Variants in STARD6 observed in about 807,000 individuals in gnomAD.
STARD6 encodes the protein StAR related lipid transfer domain containing 6, also known as stAR-related lipid transfer protein 6.
Under a neutral mutation model 22.3 loss-of-function variants are expected in STARD6, and 21 were observed. The ratio of observed to expected loss-of-function variants is 0.94; its 90% CI spans 0.67 to 1.35. The LOEUF (loss-of-function observed/expected upper bound fraction) is 1.35. Ranked by LOEUF, STARD6 falls within the 40% of genes most tolerant of loss-of-function variation. STARD6 has a pLI of 0.00. For missense variants in STARD6, 269 were observed against 266.9 expected (o/e 1.01, Z -0.05); for synonymous variants, 80 against 88.1 (o/e 0.91, Z 0.52).
rs566200662 is a variant in STARD6, at chr18:54,350,363, T to C, written c.140+3691A>G. On this transcript the variant is annotated intron_variant, in intron 4 of 7. Coordinates refer to ENST00000307844, the MANE Select transcript of STARD6 (RefSeq NM_139171.2). Reference sequence around the variant, plus strand: ...TTTTCTTACTGATTTGCTTGAGTTCTTATAGATTCTGGGTATTAGTCCTTT... The same window carrying C: ...TTTTCTTACTGATTTGCTTGAGTTCCTATAGATTCTGGGTATTAGTCCTTT... Among the ~76,000 whole-genome samples, 3 of 152,280 alleles carry C rather than the reference T, an allele frequency of 2.0e-5. No homozygotes were observed. The South Asian group carries it at 6.2e-4, about 32-fold the overall frequency.
intron 4 of STARD6, among the ~76,000 whole-genome samples, chr18:54,340,486 G>T (rs1234623740): frequency 6.6e-6 from 1 of 151,964 alleles, no homozygotes; most frequent in Non-Finnish European, 1.5e-5. Context: ...GATAGTAAAA[G>T]AACAGAGGAA....
chr18:54,349,269 T>A (rs2089069968), intron 4 of STARD6, among the ~76,000 whole-genome samples: 1 of 152,222 alleles, frequency 6.6e-6, no homozygotes, highest in South Asian at 2.1e-4. Context: ...GAGGAGATAA[T>A]GAAACTGACA....
chr18:54,341,857 G>C (rs938867938), intron 4 of STARD6, among the ~76,000 whole-genome samples: 1 of 152,060 alleles, frequency 6.6e-6, no homozygotes, highest in Non-Finnish European at 1.5e-5. Flanking sequence ...TTAATTTTAG[G>C]AAACTAGAAA....
In STARD6 at chr18:54,351,898, CGTT is replaced by C. The variant is rs748876152; in HGVS notation, c.140+2153_140+2155del. On this transcript the variant is annotated intron_variant, in intron 4 of 7. Coordinates refer to ENST00000307844, the MANE Select transcript of STARD6 (RefSeq NM_139171.2). ...TTTGTGTTAATCAGGGATATTGGTC[CGTT>C]TTTTTTTTTTTTTTTTTTTTAATGT... Among the ~76,000 whole-genome samples the C allele has an allele frequency of 3.8e-3, 236 of 61,554 alleles. 1 individual carries two copies. Among genetic ancestry groups the C allele is most frequent in the African/African-American group, 0.013 (134 of 10,084 alleles). 40.4% of individuals were successfully genotyped at this position (61,554 alleles called of 152,430 possible).
chr18:54,339,407 A>C (rs1271859088), intron 4 of STARD6, among the ~76,000 whole-genome samples: 1 of 152,058 alleles, frequency 6.6e-6, no homozygotes, highest in Non-Finnish European at 1.5e-5. Context: ...ATAGGTGGAA[A>C]AACATCCACT....
At chr18:54,352,127 T>A (rs1304158586) in intron 4 of STARD6, among the ~76,000 whole-genome samples, 3 of 150,510 alleles carry the variant, frequency 2.0e-5, no homozygotes, top group African/African-American at 7.4e-5. Context: ...CTACTTGTTT[T>A]TGTTTTTTTT....
chr18:54,329,651 T>A (rs2088851116), intron 6 of STARD6, among the ~76,000 whole-genome samples: 1 of 152,032 alleles, frequency 6.6e-6, no homozygotes, highest in Non-Finnish European at 1.5e-5. Flanking sequence ...TTCCTGCTAG[T>A]TATTTCTAAA....
At chr18:54,331,949 G>T in intron 5 of STARD6, 90 bp from the exon 6 acceptor site, 1 of 849,410 alleles carries the variant, frequency 1.2e-6, no homozygotes, top group African/African-American at 1.7e-5. Flanking sequence ...GCATATGATT[G>T]GCCTCTATTT....
intron 7 of STARD6, 34 bp downstream of exon 7, chr18:54,329,313 C>A: frequency 6.7e-7 from 1 of 1,487,626 alleles, no homozygotes; most frequent in South Asian, 1.4e-5. Flanking sequence ...ACTAAAAAAA[C>A]CTGTTAAAAT....
intron 4 of STARD6, 101 bp downstream of exon 4, chr18:54,353,953 A>G (rs1463244048): frequency 1.8e-5 from 12 of 652,682 alleles, no homozygotes. Flanking sequence ...ATTTATTACT[A>G]TAAAATAATT....
intron 5 of STARD6, among the ~76,000 whole-genome samples, chr18:54,336,888 A>T (rs953039042): frequency 2.0e-5 from 3 of 152,240 alleles, no homozygotes; most frequent in African/African-American, 7.2e-5. Flanking sequence ...AACAAATGGC[A>T]CACATTGCAG....
intron 4 of STARD6, among the ~76,000 whole-genome samples, chr18:54,340,311 T>C (rs1186168899): frequency 6.6e-6 from 1 of 152,146 alleles, no homozygotes; most frequent in African/African-American, 2.4e-5. Context: ...CTTTTATATC[T>C]TACTGGAATT....
chr18:54,354,297 T>C (rs1358669860), intron 3 of STARD6, 187 bp downstream of exon 3: 1 of 639,694 alleles, frequency 1.6e-6, no homozygotes. Flanking sequence ...GGCACAATCA[T>C]GGTGCATGAC....
rs1226934686 is a variant in STARD6, at chr18:54,356,341, C to CA, written c.-5+19dup. ...ATTATTATAACCTCCTCTTTCCTAG[C>CA]AGAGTCCTGGTTTCTTTACCTTTCC... On this transcript the variant is annotated intron_variant, in intron 2 of 7. Transcript: ENST00000307844. 1.3e-5 allele frequency: 2 copies of CA among 152,166 alleles called. No individual in the cohort carries two copies. The highest frequency in any genetic ancestry group is 3.8e-4 in the East Asian group (2 of 5,200). 9.4% of individuals were successfully genotyped at this position (152,166 alleles called of 1,614,324 possible).
intron 3 of STARD6, 56 bp from the exon 4 acceptor site, chr18:54,354,159 A>C: frequency 8.5e-7 from 1 of 1,176,926 alleles, no homozygotes; most frequent in Non-Finnish European, 1.2e-6. Flanking sequence ...GGAAAAATGA[A>C]AATGAAAAAC....
rs2089170613 is a variant in STARD6, at chr18:54,357,793, T to G, written c.-90A>C. The G allele has an allele frequency of 6.5e-6, 1 of 152,736 alleles. No individual in the cohort carries two copies. Among genetic ancestry groups the G allele is most frequent in the African/African-American group, 2.4e-5 (1 of 41,452 alleles). The allele number at this position is 152,736 out of a possible 1,614,324, so 9.5% of individuals were successfully genotyped here. On this transcript the variant is annotated splice_region_variant and 5_prime_UTR_variant, in exon 1 of 8. Transcript: ENST00000307844. ...CCAGAAAGGAGGGAGAAACAGCACCTTCCAGCAGGGGTCGCGACCTAACGC... is the reference window on the plus strand; with the variant it reads ...CCAGAAAGGAGGGAGAAACAGCACCGTCCAGCAGGGGTCGCGACCTAACGC...
At chr18:54,342,714 C>T (rs1437839261) in intron 4 of STARD6, among the ~76,000 whole-genome samples, 4 of 89,038 alleles carry the variant, frequency 4.5e-5, no homozygotes, top group Admixed American at 1.0e-4. Context: ...CCGCCAACCT[C>T]GGCCTCCCGA....
At chr18:54,330,097 C>T (rs189710363) in intron 6 of STARD6, among the ~76,000 whole-genome samples, 1 of 151,804 alleles carries the variant, frequency 6.6e-6, no homozygotes, top group Admixed American at 6.6e-5. Flanking sequence ...TCTTCTAAAA[C>T]TATTTTAAAA....
chr18:54,353,062 G>C (rs868347509), intron 4 of STARD6, among the ~76,000 whole-genome samples: 6 of 152,294 alleles, frequency 3.9e-5, no homozygotes, highest in African/African-American at 1.4e-4. Flanking sequence ...GTGAGTGGGA[G>C]AAAGCATATC....
Sources: allele counts gnomAD v4.1 joint callset (sites outside exome capture counted in the v4.1 genomes callset), GRCh38; gene constraint gnomAD v4.1.1; transcripts MANE v1.5; gene names NCBI Gene and HGNC (gene_info 2026-07-23, HGNC 2026-07-21).